The following NRXN3 variants were observed in gnomAD, a reference collection of about 807,000 sequenced individuals.
NRXN3 encodes neurexin 3, also known as neurexin III.
Under a neutral mutation model 137.6 loss-of-function variants are expected in NRXN3, and 32 were observed. The observed-to-expected ratio is 0.23, with a 90% CI of 0.18 to 0.31. The LOEUF (loss-of-function observed/expected upper bound fraction) is 0.31, where lower values mean the gene tolerates loss of function less well. Ranked by LOEUF, NRXN3 falls within the 10% of genes least tolerant of loss-of-function variation. The pLI is 1.00. For missense variants in NRXN3, 1,574 were observed against 2,062.5 expected (o/e 0.76, Z 4.59); for synonymous variants, 798 against 784.5 (o/e 1.02, Z -0.29).
chr14:79,107,661 T>C (rs182930201), intron 15 of NRXN3, among the ~76,000 whole-genome samples: 7 of 152,036 alleles, frequency 4.6e-5, no homozygotes, highest in African/African-American at 1.2e-4. Context: ...TTTTGGGTAG[T>C]GCTAACAACA....
chr14:79,806,717 C>CTGTT (rs2099206901), intron 20 of NRXN3, among the ~76,000 whole-genome samples: 1 of 144,562 alleles, frequency 6.9e-6, no homozygotes, highest in African/African-American at 2.6e-5. Flanking sequence ...CCTTCCTATT[C>CTGTT]TGTTTTTTTT....
At chr14:79,806,719 G>GA (rs1792434742) in intron 20 of NRXN3, among the ~76,000 whole-genome samples, 1 of 137,978 alleles carries the variant, frequency 7.2e-6, no homozygotes, top group South Asian at 2.3e-4. Context: ...TTCCTATTCT[G>GA]TTTTTTTTTT....
intron 15 of NRXN3, among the ~76,000 whole-genome samples, chr14:79,130,354 G>A (rs2057273660): frequency 6.6e-6 from 1 of 152,066 alleles, no homozygotes; most frequent in South Asian, 2.1e-4. Context: ...TCCTTCAGGA[G>A]CTCTTTTAGG....
intron 4 of NRXN3, among the ~76,000 whole-genome samples, chr14:78,569,530 G>GTCCAGAACTCCTAGA (rs1335680136): frequency 4.0e-5 from 6 of 151,774 alleles, no homozygotes; most frequent in Admixed American, 2.6e-4. Flanking sequence ...CTCCCAAAGT[G>GTCCAGAACTCCTAGA]CTGGGATTAC....
chr14:79,137,016 C>T (rs750870962), intron 15 of NRXN3, among the ~76,000 whole-genome samples: 3 of 152,162 alleles, frequency 2.0e-5, no homozygotes, highest in South Asian at 2.1e-4. Context: ...TCACCTTTTA[C>T]CCCTTGGGGC....
At chr14:78,843,995 T>G (rs553057702) in intron 10 of NRXN3, among the ~76,000 whole-genome samples, 101 of 152,202 alleles carry the variant, frequency 6.6e-4, no homozygotes, top group Admixed American at 1.4e-3. Flanking sequence ...ACCAACCTGG[T>G]GGCTTACAAA....
At chr14:78,698,577 G>A (rs902488746) in intron 6 of NRXN3, among the ~76,000 whole-genome samples, 2 of 152,082 alleles carry the variant, frequency 1.3e-5, no homozygotes, top group Middle Eastern at 3.4e-3. Flanking sequence ...CATATTAGAG[G>A]TGTCCAGTAG....
At chr14:79,332,384 C>G (rs920391983) in intron 15 of NRXN3, among the ~76,000 whole-genome samples, 2 of 152,194 alleles carry the variant, frequency 1.3e-5, no homozygotes, top group African/African-American at 4.8e-5. Context: ...TCTCCTACAA[C>G]TCACCAGTAT....
At chr14:78,853,204 C>T (rs2099047712) in intron 10 of NRXN3, among the ~76,000 whole-genome samples, 1 of 152,136 alleles carries the variant, frequency 6.6e-6, no homozygotes, top group Non-Finnish European at 1.5e-5. Context: ...TCTCCTAATG[C>T]TATCCCTCAC....
chr14:79,148,353 A>G (rs1397843114), intron 15 of NRXN3, among the ~76,000 whole-genome samples: 1 of 152,168 alleles, frequency 6.6e-6, no homozygotes, highest in Non-Finnish European at 1.5e-5. Flanking sequence ...GCTAGAGCAA[A>G]GGCCTGAGGT....
At chr14:78,614,613 T>G (rs1331618866) in intron 4 of NRXN3, among the ~76,000 whole-genome samples, 1 of 151,884 alleles carries the variant, frequency 6.6e-6, no homozygotes, top group Admixed American at 6.6e-5. Context: ...CATTCCTCCA[T>G]GGACTTCACA....
chr14:79,212,844 CA>C (rs1762858239), intron 15 of NRXN3, among the ~76,000 whole-genome samples: 1 of 151,286 alleles, frequency 6.6e-6, no homozygotes, highest in Admixed American at 6.6e-5. Flanking sequence ...CAACATTCTC[CA>C]AATTTGTTTG....
At chr14:78,905,000 G>A (rs958384554) in intron 10 of NRXN3, among the ~76,000 whole-genome samples, 1 of 152,012 alleles carries the variant, frequency 6.6e-6, no homozygotes, top group Non-Finnish European at 1.5e-5. Context: ...CAACCACCCA[G>A]TTAATCTCCT....
chr14:79,664,098 T>C lies in NRXN3; in HGVS notation c.3616+149T>C, dbSNP rs191256617. The C allele has an allele frequency of 5.7e-4, 469 of 817,402 alleles. 2 individuals are homozygous for C. The African/African-American group carries it at 7.2e-3, about 13-fold the overall frequency. 50.6% of individuals were successfully genotyped at this position (817,402 alleles called of 1,614,324 possible). On this transcript the variant is annotated intron_variant, in intron 17 of 20. Coordinates refer to ENST00000335750, the MANE Select transcript of NRXN3 (RefSeq NM_001330195.2). The stretch of plus-strand genomic sequence containing the variant: ...TTTTTGTATGAGAAGATAAGTCATC[T>C]CTTTAGGACTTGATCCAGTATAGGG...
intron 15 of NRXN3, among the ~76,000 whole-genome samples, chr14:79,168,391 A>T (rs1460308852): frequency 1.8e-4 from 28 of 152,066 alleles, no homozygotes; most frequent in South Asian, 6.2e-4. Context: ...AATAGATAGT[A>T]TAGGGGAATA....
chr14:79,061,800 A>G (rs2099674639), intron 15 of NRXN3, among the ~76,000 whole-genome samples: 1 of 152,150 alleles, frequency 6.6e-6, no homozygotes, highest in Non-Finnish European at 1.5e-5. Context: ...AAGAATGTGG[A>G]GTGCCCCTCC....
At chr14:78,652,511 A>G (rs767093040) in intron 6 of NRXN3, among the ~76,000 whole-genome samples, 86 of 152,224 alleles carry the variant, frequency 5.6e-4, no homozygotes, top group Admixed American at 1.2e-3. Flanking sequence ...TATCTATACC[A>G]TCTCCCTGGG....
rs527802134 is a variant in NRXN3 at position 78,978,596 on chromosome 14, A to T, written c.3143-9426A>T. Reference sequence around the variant, plus strand: ...GGAAGTAGCTTTGCTGAAGGGTCCAAGACATATATTCAGCTAAGTAAATAG... The same window carrying T: ...GGAAGTAGCTTTGCTGAAGGGTCCATGACATATATTCAGCTAAGTAAATAG... On this transcript the variant is annotated intron_variant, in intron 14 of 20. Coordinates refer to ENST00000335750, the MANE Select transcript of NRXN3 (RefSeq NM_001330195.2). Among the ~76,000 whole-genome samples the T allele has an allele frequency of 3.3e-5, 5 of 151,850 alleles. No homozygotes were observed. In the East Asian group the frequency reaches 7.7e-4, roughly 23 times the overall value.
intron 2 of NRXN3, among the ~76,000 whole-genome samples, chr14:78,277,021 G>A (rs541275253): frequency 6.6e-5 from 10 of 152,238 alleles, no homozygotes; most frequent in South Asian, 2.1e-4. Flanking sequence ...CTGAAGGGGC[G>A]GTGTGGCTGA....
Sources: allele counts gnomAD v4.1 joint callset (sites outside exome capture counted in the v4.1 genomes callset), GRCh38; gene constraint gnomAD v4.1.1; transcripts MANE v1.5; gene names NCBI Gene and HGNC (gene_info 2026-07-23, HGNC 2026-07-21).